The following CDON variants were observed in gnomAD, a reference collection of about 807,000 sequenced individuals.
CDON encodes the protein cell adhesion associated, oncogene regulated, also known as cell adhesion molecule-related/down-regulated by oncogenes.
Under a neutral mutation model 120.9 loss-of-function variants are expected in CDON, and 73 were observed. The observed-to-expected ratio is 0.60, with a 90% CI of 0.50 to 0.73. The LOEUF is 0.73. Ranked by LOEUF, CDON falls within the 30% of genes least tolerant of loss-of-function variation. The pLI is 0.00. For missense variants in CDON, 1,470 were observed against 1,587.3 expected (o/e 0.93, Z 1.26); for synonymous variants, 566 against 573.5 (o/e 0.99, Z 0.19).
At position 125,981,155 on chromosome 11, in the gene CDON, A is replaced by G; in HGVS notation, c.3170T>C (p.Val1057Ala). 1 of 1,614,102 alleles carries G rather than the reference A, an allele frequency of 6.2e-7. No homozygotes were observed. The highest frequency in any genetic ancestry group is 8.5e-7 in the Non-Finnish European group (1 of 1,179,986). The change falls in exon 17 of 20, where the codon GTC (valine) becomes GCC (alanine). Residue 1057 changes from valine (V) to alanine (A), a missense_variant. By Grantham distance (64) the Val-to-Ala change is moderately conservative. Transcript: ENST00000531738. ...SHLHHKVPNA[V>A]NGIVNGSLNG... is the part of the protein sequence containing the mutation. The stretch of plus-strand genomic sequence containing the variant: ...TAGGCTCCCATTCACAATTCCATTG[A>G]CTGCATTGGGGACCTTATGGTGAAG...
intron 6 of CDON, 96 bp downstream of exon 6, chr11:126,016,992 T>C (rs1947487181): frequency 3.0e-6 from 3 of 1,001,224 alleles, no homozygotes; most frequent in Non-Finnish European, 4.5e-6. Context: ...TTCTAGATAC[T>C]CCCTATTTCA....
At chr11:126,007,292 T>C (rs959130331) in intron 8 of CDON, among the ~76,000 whole-genome samples, 2 of 152,242 alleles carry the variant, frequency 1.3e-5, no homozygotes, top group African/African-American at 4.8e-5. Context: ...GTTAGTTCTC[T>C]GTTAGTTTAA....
chr11:126,048,836 TG>T (rs1490345014), intron 1 of CDON, among the ~76,000 whole-genome samples: 1 of 152,178 alleles, frequency 6.6e-6, no homozygotes, highest in Non-Finnish European at 1.5e-5. Flanking sequence ...CCCAAGTAGC[TG>T]GGATTACAGG....
intron 12 of CDON, among the ~76,000 whole-genome samples, chr11:125,996,593 G>A (rs1205535783): frequency 4.0e-5 from 6 of 150,038 alleles, no homozygotes; most frequent in South Asian, 2.1e-4. Context: ...CCAGCTACTC[G>A]GGAGGCTGAG....
chr11:125,972,953 G>A (rs910949017), intron 18 of CDON, among the ~76,000 whole-genome samples: 7 of 148,176 alleles, frequency 4.7e-5, no homozygotes, highest in Non-Finnish European at 7.4e-5. Flanking sequence ...CAGTGACTGC[G>A]CCCAGACACC....
At chr11:126,016,644 G>A (rs1947476968) in intron 6 of CDON, among the ~76,000 whole-genome samples, 1 of 152,058 alleles carries the variant, frequency 6.6e-6, no homozygotes. Flanking sequence ...TATTGCCCAA[G>A]ATAGTGTTGG....
intron 1 of CDON, among the ~76,000 whole-genome samples, chr11:126,041,237 G>A (rs540145992): frequency 1.1e-4 from 17 of 150,940 alleles, no homozygotes; most frequent in Admixed American, 2.6e-4. Context: ...TAACAAAAGG[G>A]TCCCTTTAAA....
intron 6 of CDON, 132 bp from the exon 7 acceptor site, chr11:126,015,642 T>C: frequency 1.1e-6 from 1 of 940,028 alleles, no homozygotes; most frequent in East Asian, 2.6e-5. Context: ...CACATTCTTC[T>C]GTCTGCTGTG....
At chr11:125,993,547 G>C (rs1946693886) in intron 14 of CDON, among the ~76,000 whole-genome samples, 1 of 152,182 alleles carries the variant, frequency 6.6e-6, no homozygotes, top group Non-Finnish European at 1.5e-5. Flanking sequence ...TTATGGGGAA[G>C]AGTTCACTCC....
intron 1 of CDON, among the ~76,000 whole-genome samples, chr11:126,025,931 T>C (rs920794718): frequency 1.3e-5 from 2 of 152,198 alleles, no homozygotes; most frequent in African/African-American, 4.8e-5. Flanking sequence ...ATTCTTTCTC[T>C]TCTATGCTAC....
chr11:126,039,026 C>G (rs1161343487), intron 1 of CDON, among the ~76,000 whole-genome samples: 1 of 152,208 alleles, frequency 6.6e-6, no homozygotes, highest in Non-Finnish European at 1.5e-5. Context: ...CTCCTAACCT[C>G]AGTACATGGA....
chr11:125,969,330 AGTT>A, intron 18 of CDON, among the ~76,000 whole-genome samples: 1 of 152,220 alleles, frequency 6.6e-6, no homozygotes, highest in Non-Finnish European at 1.5e-5. Flanking sequence ...ATAATGCTTT[AGTT>A]AAAATTTCCA....
chr11:125,969,351 T>C (rs1427543495), intron 18 of CDON, among the ~76,000 whole-genome samples: 1 of 152,212 alleles, frequency 6.6e-6, no homozygotes, highest in Non-Finnish European at 1.5e-5. Flanking sequence ...CCAAAGCAAT[T>C]AGATGATCAC....
Position 126,027,969 on chromosome 11 carries a change from CTTTTTTTT to C in CDON, c.-61-4440_-61-4433del, listed in dbSNP as rs769832631. 3.4e-3 allele frequency among the ~76,000 whole-genome samples: 433 copies of C among 125,770 alleles called. 2 individuals are homozygous for C. Among genetic ancestry groups the C allele is most frequent in the African/African-American group, 0.011 (387 of 33,876 alleles). The allele number at this position is 125,770 out of a possible 152,430, so 82.5% of individuals were successfully genotyped here. A position where few individuals can be genotyped will look rare whatever the true frequency, so the allele number is the denominator to read the frequency against. On this transcript the variant is annotated intron_variant, in intron 1 of 19. Coordinates refer to ENST00000531738, the MANE Select transcript of CDON (RefSeq NM_001378964.1). ...AGAATTCTGACTTAAATCACTCTGC[CTTTTTTTT>C]TTTTTTTTTTTACTTTAGGGTTACT...
Position 126,010,495 on chromosome 11 carries a change from C to T in CDON, c.1398G>A (p.Glu466=). ...AGTACACAGGCTCCAGGTTCAAGCCCTCAGGTCTTGATAACTGTGATTTTC... is the reference window on the plus strand; with the variant it reads ...AGTACACAGGCTCCAGGTTCAAGCCTTCAGGTCTTGATAACTGTGATTTTC... ...KSRKSQLSRP[E]GLNLEPVYFV... The change falls in exon 8 of 20, where the codon GAG becomes GAA. Residue 466 remains glutamate (E), a synonymous_variant. Coordinates refer to ENST00000531738, the MANE Select transcript of CDON (RefSeq NM_001378964.1). 1 of 1,614,106 alleles carries T rather than the reference C, an allele frequency of 6.2e-7. No homozygotes were observed. The highest frequency in any genetic ancestry group is 8.5e-7 in the Non-Finnish European group (1 of 1,180,010).
At chr11:126,041,335 T>C (rs748963043) in intron 1 of CDON, among the ~76,000 whole-genome samples, 15 of 152,216 alleles carry the variant, frequency 9.9e-5, no homozygotes, top group African/African-American at 1.7e-4. Context: ...AAAAACATTA[T>C]GATCTTAAAA....
intron 18 of CDON, among the ~76,000 whole-genome samples, chr11:125,973,217 C>T (rs1042716036): frequency 1.3e-5 from 2 of 151,954 alleles, no homozygotes; most frequent in Non-Finnish European, 2.9e-5. Flanking sequence ...AGTCTCCAAA[C>T]TGCATCCAGA....
chr11:126,032,814 C>T (rs976287829), intron 1 of CDON, among the ~76,000 whole-genome samples: 10 of 152,166 alleles, frequency 6.6e-5, no homozygotes, highest in African/African-American at 1.7e-4. Context: ...CCAAGACCAG[C>T]CTGGGCAACA....
At chr11:125,981,360 GCACA>G (rs375468390) in intron 16 of CDON, 31 bp from the exon 17 acceptor site, 22 of 1,351,486 alleles carry the variant, frequency 1.6e-5, no homozygotes, top group African/African-American at 7.0e-5. Flanking sequence ...AGACACACAC[GCACA>G]CACACACACG....
Sources: allele counts gnomAD v4.1 joint callset (sites outside exome capture counted in the v4.1 genomes callset), GRCh38; gene constraint gnomAD v4.1.1; transcripts MANE v1.5; gene names NCBI Gene and HGNC (gene_info 2026-07-23, HGNC 2026-07-21).